Variants in JAK2 observed in about 807,000 individuals in gnomAD.
The protein encoded by JAK2 is tyrosine-protein kinase JAK2.
A neutral mutation model predicts 139.3 loss-of-function variants in JAK2; 86 were observed. The observed-to-expected ratio is 0.62, with a 90% CI of 0.52 to 0.74. The LOEUF (loss-of-function observed/expected upper bound fraction) is 0.74. Ranked by LOEUF, JAK2 falls within the 30% of genes least tolerant of loss-of-function variation. The pLI is 0.00. For synonymous variants in JAK2, 490 were observed against 437.7 expected, an observed-to-expected ratio of 1.12 and a Z score of -1.49; for missense variants, 1,421 against 1,360.3, an observed-to-expected ratio of 1.04 and a Z score of -0.70.
chr9:5,007,784 A>G (rs1016109343), intron 2 of JAK2, among the ~76,000 whole-genome samples: 14 of 151,100 alleles, frequency 9.3e-5, no homozygotes, highest in African/African-American at 3.4e-4. Context: ...CAGTGGTGTG[A>G]TATCTGAGCC....
intron 4 of JAK2, among the ~76,000 whole-genome samples, chr9:5,035,974 G>A (rs60806323): frequency 0.28 from 43,075 of 151,768 alleles, 6,478 homozygotes; most frequent in African/African-American, 0.38. Flanking sequence ...TTGTATATCT[G>A]GAAAACCCCA....
At chr9:5,094,165 AAC>A (rs1820798280) in intron 22 of JAK2, 1 of 152,162 alleles carries the variant, frequency 6.6e-6, no homozygotes, top group Admixed American at 6.5e-5. Context: ...CCTTACACTT[AAC>A]AGTTACGCAA....
At chr9:5,025,160 GAGA>G (rs1040714858) in intron 3 of JAK2, among the ~76,000 whole-genome samples, 3 of 151,082 alleles carry the variant, frequency 2.0e-5, no homozygotes, top group African/African-American at 7.4e-5. Context: ...CTGTTTCTGG[GAGA>G]AGGATAGGTC....
At position 5,065,057 on chromosome 9, in the gene JAK2, T is replaced by A; in HGVS notation, c.1214+17T>A. The A allele has an allele frequency of 6.7e-7, 1 of 1,488,368 alleles. No individual in the cohort carries two copies. Among genetic ancestry groups the A allele is most frequent in the Non-Finnish European group, 9.0e-7 (1 of 1,110,096 alleles). The allele number at this position is 1,488,368 out of a possible 1,614,324, so 92.2% of individuals were successfully genotyped here. ...CCCAATTTCGTGAGTAATACAGACT[T>A]AAAAGTAAATTTTTAGAAAAGTAAA... is the stretch of plus-strand genomic sequence containing the variant. On this transcript the variant is annotated intron_variant, in intron 9 of 24. Transcript: ENST00000381652.
chr9:5,111,242 T>C, intron 22 of JAK2: 2 of 547,658 alleles, frequency 3.7e-6, no homozygotes, highest in Non-Finnish European at 6.9e-6. Context: ...ATTCCTCCTT[T>C]GGTAGAGACG....
rs757898652 is a variant in JAK2, at chr9:5,044,417, G to A, written c.365G>A (p.Arg122His). 3.2e-5 allele frequency: 52 copies of A among 1,609,634 alleles called. No individual in the cohort carries two copies. Among genetic ancestry groups the A allele is most frequent in the South Asian group, 5.5e-5 (5 of 90,724 alleles). Residue 122 changes from arginine to histidine, a missense_variant, in exon 5 of 25, where the codon CGT (arginine) becomes CAT (histidine). By Grantham distance (29) the Arg-to-His change is conservative. Coordinates refer to ENST00000381652, the MANE Select transcript of JAK2 (RefSeq NM_004972.4). ...VLYRIRFYFP[R>H]WYCSGSNRAY... is the part of the protein sequence containing the mutation. ...TTATCTTGTAGATTTTACTTTCCTC[G>A]TTGGTATTGCAGTGGCAGCAACAGA...
At chr9:5,112,504 G>A (rs1302552273) in intron 22 of JAK2, 3 of 565,222 alleles carry the variant, frequency 5.3e-6, no homozygotes, top group Non-Finnish European at 9.6e-6. Flanking sequence ...GGAGGAAGAT[G>A]ACCTTTTCCC....
chr9:5,073,086 A>G (rs1227987416), intron 13 of JAK2, among the ~76,000 whole-genome samples: 1 of 152,224 alleles, frequency 6.6e-6, no homozygotes, highest in African/African-American at 2.4e-5. Flanking sequence ...AGCTCTGAAC[A>G]TAGCAAGATA....
At chr9:5,061,863 G>T (rs895453772) in intron 8 of JAK2, among the ~76,000 whole-genome samples, 1 of 152,168 alleles carries the variant, frequency 6.6e-6, no homozygotes, top group Admixed American at 6.5e-5. Context: ...TGAGAGATGG[G>T]TGAATCTTCC....
At chr9:5,094,461 G>T (rs10117565) in intron 22 of JAK2, 1 of 151,830 alleles carries the variant, frequency 6.6e-6, no homozygotes, top group Non-Finnish European at 1.5e-5. Context: ...ATTATGTACT[G>T]ATCGGCACAC....
At chr9:5,037,470 A>G (rs915552297) in intron 4 of JAK2, among the ~76,000 whole-genome samples, 20 of 152,228 alleles carry the variant, frequency 1.3e-4, no homozygotes, top group African/African-American at 4.6e-4. Context: ...ATGTCCAACA[A>G]TGATAGACTG....
chr9:5,001,351 A>C (rs747646197), intron 2 of JAK2, among the ~76,000 whole-genome samples: 8 of 152,140 alleles, frequency 5.3e-5, no homozygotes, highest in Non-Finnish European at 1.5e-5. Flanking sequence ...TTTATTGAGG[A>C]AATTCCCTTC....
chr9:5,044,540 C>G lies in JAK2; in HGVS notation c.468+20C>G. 7.4e-7 allele frequency: 1 copy of G among 1,353,552 alleles called. No individual in the cohort carries two copies. The highest frequency in any genetic ancestry group is 1.0e-6 in the Non-Finnish European group (1 of 965,506). The allele number at this position is 1,353,552 out of a possible 1,614,324, so 83.8% of individuals were successfully genotyped here. A position where few individuals can be genotyped will look rare whatever the true frequency, so the allele number is the denominator to read the frequency against. On this transcript the variant is annotated intron_variant, in intron 5 of 24. Coordinates refer to ENST00000381652, the MANE Select transcript of JAK2 (RefSeq NM_004972.4). ...GCTCAGGTATGATTATATTATCTTACTTGTACATGAGTTAAATGATAAATA... is the reference window on the plus strand; with the variant it reads ...GCTCAGGTATGATTATATTATCTTAGTTGTACATGAGTTAAATGATAAATA...
intron 22 of JAK2, chr9:5,112,319 GC>G: frequency 3.5e-6 from 1 of 282,484 alleles, no homozygotes; most frequent in Non-Finnish European, 6.8e-6. Context: ...CTAGCCAGGC[GC>G]CCTCCCCGAC....
intron 24 of JAK2, 102 bp from the exon 25 acceptor site, chr9:5,126,582 C>T (rs747311945): frequency 1.1e-6 from 1 of 945,286 alleles, no homozygotes; most frequent in Non-Finnish European, 1.6e-6. Flanking sequence ...TGGAACAAGG[C>T]ATGGTTATGA....
chr9:5,027,419 T>C (rs1360268049), intron 3 of JAK2, among the ~76,000 whole-genome samples: 1 of 152,232 alleles, frequency 6.6e-6, no homozygotes, highest in African/African-American at 2.4e-5. Context: ...CTCATAATCA[T>C]CTGAGCCTTC....
At chr9:5,096,640 C>A (rs974012549) in intron 22 of JAK2, 1 of 152,166 alleles carries the variant, frequency 6.6e-6, no homozygotes, top group African/African-American at 2.4e-5. Flanking sequence ...AATGCTTACT[C>A]AGCCATTTTA....
intron 22 of JAK2, chr9:5,098,868 G>C (rs1346607131): frequency 6.6e-6 from 1 of 151,994 alleles, no homozygotes; most frequent in African/African-American, 2.4e-5. Context: ...TAATTTTTTT[G>C]TATTTTTAGT....
chr9:5,122,582 A>G lies in JAK2; in HGVS notation c.3060-422A>G, dbSNP rs1450956818. Among the ~76,000 whole-genome samples, 4 of 152,106 alleles carry G rather than the reference A, an allele frequency of 2.6e-5. No individual in the cohort carries two copies. In the East Asian group the frequency reaches 7.7e-4, roughly 29 times the overall value. On this transcript the variant is annotated intron_variant, in intron 22 of 24. Coordinates refer to ENST00000381652, the MANE Select transcript of JAK2 (RefSeq NM_004972.4). ...TATCTTTCTATGTCAGAGATTCCCA[A>G]GACCATCCCCAGGTTGACGATTTGC...
Sources: gnomAD v4.1 joint callset for allele counts (sites outside exome capture counted in the v4.1 genomes callset) on GRCh38, gnomAD v4.1.1 for gene constraint, MANE v1.5 for transcripts, NCBI Gene and HGNC (gene_info 2026-07-23, HGNC 2026-07-21) for gene names.